Variants in TMEM266 observed in about 807,000 individuals in gnomAD.
TMEM266 encodes transmembrane protein 266, also known as Hv1 related protein 1.
Under a neutral mutation model 50.5 loss-of-function variants are expected in TMEM266, and 33 were observed. The ratio of observed to expected loss-of-function variants is 0.65; its 90% CI spans 0.50 to 0.87. The LOEUF (loss-of-function observed/expected upper bound fraction) is 0.87. Among genes scored for constraint, TMEM266 ranks in the 40% least tolerant of loss-of-function variants. The pLI is 0.00. For synonymous variants in TMEM266, 310 were observed against 292.3 expected (o/e 1.06, Z -0.62); for missense variants, 655 against 695.1 (o/e 0.94, Z 0.65).
intron 8 of TMEM266, 35 bp from the exon 9 acceptor site, chr15:76,191,933 G>C (rs762736882): frequency 5.9e-6 from 9 of 1,531,600 alleles, no homozygotes; most frequent in Non-Finnish European, 7.8e-6. Flanking sequence ...CCGGCCCCTC[G>C]CCGCTGATTC....
intron 1 of TMEM266, among the ~76,000 whole-genome samples, chr15:76,090,271 T>C (rs1422382115): frequency 6.6e-6 from 1 of 151,732 alleles, no homozygotes; most frequent in Non-Finnish European, 1.5e-5. Flanking sequence ...GTGGGTGGAT[T>C]GCTTGAGGCC....
intron 1 of TMEM266, among the ~76,000 whole-genome samples, chr15:76,101,851 A>G (rs529721670): frequency 1.3e-5 from 2 of 152,354 alleles, no homozygotes; most frequent in South Asian, 4.1e-4. Context: ...GGTTGGGGGT[A>G]GATGCTCGGA....
chr15:76,150,829 A>G (rs2037828891), intron 3 of TMEM266, among the ~76,000 whole-genome samples: 1 of 152,242 alleles, frequency 6.6e-6, no homozygotes, highest in Non-Finnish European at 1.5e-5. Flanking sequence ...TTTATCGCAT[A>G]TAAAGCCTCT....
At chr15:76,167,434 C>T (rs1596147534) in intron 5 of TMEM266, among the ~76,000 whole-genome samples, 1 of 145,952 alleles carries the variant, frequency 6.9e-6, no homozygotes, top group Admixed American at 6.9e-5. Flanking sequence ...CGTGCCACTG[C>T]ACTCTAACCT....
rs78019468 is a variant in TMEM266 at position 76,128,397 on chromosome 15, C to T, written c.-96-5771C>T. Among the ~76,000 whole-genome samples the T allele has an allele frequency of 7.3e-3, 1,114 of 152,244 alleles. 12 individuals are homozygous for T. Among genetic ancestry groups the T allele is most frequent in the African/African-American group, 0.026 (1,076 of 41,530 alleles). ...GAACTTGGCAGATCTCGCTGGAACA[C>T]ATATATGGGTAAATACATAGACTCA... On this transcript the variant is annotated intron_variant, in intron 1 of 10. Coordinates refer to ENST00000388942, the MANE Select transcript of TMEM266 (RefSeq NM_152335.3).
chr15:76,114,735 A>G (rs2037222237), intron 1 of TMEM266, among the ~76,000 whole-genome samples: 1 of 152,140 alleles, frequency 6.6e-6, no homozygotes, highest in Non-Finnish European at 1.5e-5. Flanking sequence ...CTGTTATGAC[A>G]TTTAGCGCAT....
chr15:76,080,528 C>A (rs2036675613), intron 1 of TMEM266, among the ~76,000 whole-genome samples: 2 of 151,378 alleles, frequency 1.3e-5, no homozygotes, highest in African/African-American at 4.9e-5. Context: ...GGATTACAGG[C>A]GTGAGCCACC....
intron 1 of TMEM266, among the ~76,000 whole-genome samples, chr15:76,075,928 G>C (rs12440479): frequency 1 from 135,106 of 135,116 alleles, 67,548 homozygotes; most frequent in Middle Eastern, 1. Flanking sequence ...ACAATCATGG[G>C]TCGCTGCTGC....
In TMEM266 at chr15:76,192,049, C is replaced by A. The variant is rs758938634; in HGVS notation, c.850C>A (p.Pro284Thr). The change falls in exon 9 of 11, where the codon CCG (proline) becomes ACG (threonine). Residue 284 changes from proline (P) to threonine (T), a missense_variant. Physicochemically the swap from Pro to Thr is conservative, Grantham distance 38. Around this residue, in one of 3 missense-constraint regions of TMEM266, gnomAD observed 455 missense variants for 401.8 expected, o/e 1.13. Coordinates refer to ENST00000388942, the MANE Select transcript of TMEM266 (RefSeq NM_152335.3). Reference sequence around the variant, plus strand: ...CGAGCGCGAAGCGGCGCTCCAGGCCCCGCACGTGCTCAGCCAGCCGCGCAG... The same window carrying A: ...CGAGCGCGAAGCGGCGCTCCAGGCCACGCACGTGCTCAGCCAGCCGCGCAG... 13 of 1,539,420 alleles carry A rather than the reference C, an allele frequency of 8.4e-6. No individual in the cohort carries two copies. The highest frequency in any genetic ancestry group is 1.7e-6 in the Non-Finnish European group (2 of 1,149,788).
At chr15:76,170,859 C>T (rs376928624) in intron 6 of TMEM266, 134 bp from the exon 7 acceptor site, 91 of 1,070,228 alleles carry the variant, frequency 8.5e-5, no homozygotes, top group East Asian at 5.8e-4. Context: ...AGGGGCCACC[C>T]GGGGTGGGGT....
chr15:76,123,627 T>C (rs568958709), intron 1 of TMEM266, among the ~76,000 whole-genome samples: 2 of 152,308 alleles, frequency 1.3e-5, no homozygotes, highest in African/African-American at 4.8e-5. Flanking sequence ...TAGTTACCTA[T>C]GCCATAGTCC....
intron 1 of TMEM266, among the ~76,000 whole-genome samples, chr15:76,082,232 A>C (rs1278760047): frequency 1.3e-5 from 2 of 152,216 alleles, no homozygotes; most frequent in African/African-American, 4.8e-5. Flanking sequence ...TATGTTATGC[A>C]TGACTGTTTT....
chr15:76,095,982 T>G (rs1044506646), intron 1 of TMEM266, among the ~76,000 whole-genome samples: 1 of 152,068 alleles, frequency 6.6e-6, no homozygotes, highest in Non-Finnish European at 1.5e-5. Context: ...TCATTTTTTA[T>G]TGCATCTATT....
At chr15:76,098,307 C>T (rs113113821) in intron 1 of TMEM266, among the ~76,000 whole-genome samples, 1,708 of 152,152 alleles carry the variant, frequency 0.011, 35 homozygotes, top group African/African-American at 0.038. Flanking sequence ...CTATTCCTTT[C>T]TGTTTGTTAG....
intron 8 of TMEM266, among the ~76,000 whole-genome samples, chr15:76,177,926 T>G (rs1272060011): frequency 6.6e-6 from 1 of 152,238 alleles, no homozygotes; most frequent in Non-Finnish European, 1.5e-5. Flanking sequence ...TCCCGGGCTC[T>G]GCAGGCCAGG....
At chr15:76,195,192 C>T (rs1252888835) in intron 9 of TMEM266, among the ~76,000 whole-genome samples, 1 of 152,196 alleles carries the variant, frequency 6.6e-6, no homozygotes, top group African/African-American at 2.4e-5. Flanking sequence ...ACACCGACTC[C>T]CAGGTCCGGA....
chr15:76,145,182 G>A (rs1367077542), intron 3 of TMEM266, among the ~76,000 whole-genome samples: 1 of 152,188 alleles, frequency 6.6e-6, no homozygotes, highest in Non-Finnish European at 1.5e-5. Flanking sequence ...TCATCCTGAT[G>A]TTGTAAACTT....
intron 9 of TMEM266, among the ~76,000 whole-genome samples, chr15:76,196,850 T>C (rs1183634856): frequency 6.7e-6 from 1 of 149,570 alleles, no homozygotes; most frequent in Admixed American, 6.6e-5. Context: ...ACAAATCATT[T>C]TTAAAACCTA....
intron 9 of TMEM266, among the ~76,000 whole-genome samples, chr15:76,197,312 G>C (rs576037454): frequency 6.6e-6 from 1 of 152,302 alleles, no homozygotes; most frequent in African/African-American, 2.4e-5. Context: ...CAACCGGAGG[G>C]ACATGGGTTT....
Sources: gnomAD v4.1 joint callset for allele counts (sites outside exome capture counted in the v4.1 genomes callset) on GRCh38, gnomAD v4.1.1 for gene constraint, gnomAD v4.1.1 regional missense constraint, MANE v1.5 for transcripts, NCBI Gene and HGNC (gene_info 2026-07-23, HGNC 2026-07-21) for gene names.